KRT79: variants seen among roughly 807,000 people sequenced by gnomAD.
KRT79 encodes keratin, type II cytoskeletal 79.
A neutral mutation model predicts 49.0 loss-of-function variants in KRT79; 51 were observed. The observed-to-expected ratio is 1.04, with a 90% CI of 0.83 to 1.31. KRT79 has a LOEUF of 1.31. Ranked by LOEUF, KRT79 falls within the 40% of genes most tolerant of loss-of-function variation. The pLI, the probability that KRT79 is intolerant of heterozygous loss-of-function variation, is 0.00. For missense variants in KRT79, 728 were observed against 688.0 expected, an observed-to-expected ratio of 1.06 and a Z score of -0.65; for synonymous variants, 312 against 286.6, an observed-to-expected ratio of 1.09 and a Z score of -0.90.
intron 1 of KRT79, 108 bp downstream of exon 1, chr12:52,833,675 AC>A: frequency 1.1e-6 from 1 of 906,316 alleles, no homozygotes. Context: ...AGCTCTATCA[AC>A]CACCACCCTA....
chr12:52,827,888 G>A (rs1016415814), intron 4 of KRT79, among the ~76,000 whole-genome samples: 2 of 152,182 alleles, frequency 1.3e-5, no homozygotes, highest in African/African-American at 2.4e-5. Flanking sequence ...CCTTGTTGGA[G>A]ATCACAGGGA....
Position 52,830,009 on chromosome 12 carries a change from A to T in KRT79, c.855+14T>A, listed in dbSNP as rs775690469. On this transcript the variant is annotated intron_variant, in intron 4 of 8. Transcript: ENST00000330553. ...TAGTGTATGCAAACTCTCCCTGCCC[A>T]TTGGCCACCTCACCATTTCATAGAG... 2 of 1,612,830 alleles carry T rather than the reference A, an allele frequency of 1.2e-6. No homozygotes were observed. Among genetic ancestry groups the T allele is most frequent in the Admixed American group, 3.3e-5 (2 of 60,030 alleles).
chr12:52,824,092 T>C (rs993006818), intron 5 of KRT79, 80 bp from the exon 6 acceptor site: 2 of 1,612,274 alleles, frequency 1.2e-6, no homozygotes, highest in African/African-American at 2.7e-5. Flanking sequence ...GCAAGTTGAG[T>C]ATATCTGGCC....
In KRT79 at chr12:52,823,048, G is replaced by T; in HGVS notation, c.1335C>A (p.Thr445=). Residue 445 remains threonine, a synonymous_variant, in exon 7 of 9, where the codon ACC becomes ACA. Transcript: ENST00000330553. ...VKLALDVEIA[T]YRKLLESEES... ...CCTCGCTCTCCAGAAGCTTGCGGTAGGTGGCAATCTCCACGTCCAGGGCCA... is the reference window on the plus strand; with the variant it reads ...CCTCGCTCTCCAGAAGCTTGCGGTATGTGGCAATCTCCACGTCCAGGGCCA... The T allele has an allele frequency of 6.2e-7, 1 of 1,614,172 alleles. No individual in the cohort carries two copies.
At chr12:52,831,067 CA>C (rs909657064) in intron 2 of KRT79, among the ~76,000 whole-genome samples, 8 of 148,870 alleles carry the variant, frequency 5.4e-5, no homozygotes, top group African/African-American at 1.8e-4. Context: ...TAGAAAAAGG[CA>C]AAGGTAAAAA....
At chr12:52,827,037 G>A (rs1258208620) in intron 4 of KRT79, among the ~76,000 whole-genome samples, 2 of 152,104 alleles carry the variant, frequency 1.3e-5, no homozygotes, top group East Asian at 3.9e-4. Flanking sequence ...CCACACACTC[G>A]ATGTGGGCAC....
At chr12:52,831,978 A>G (rs1455455805) in intron 1 of KRT79, among the ~76,000 whole-genome samples, 1 of 152,216 alleles carries the variant, frequency 6.6e-6, no homozygotes, top group Non-Finnish European at 1.5e-5. Context: ...ATTCTGCATT[A>G]AAATCATCTG....
chr12:52,822,235 G>A (rs1416190321), intron 8 of KRT79, 110 bp downstream of exon 8: 1 of 1,320,842 alleles, frequency 7.6e-7, no homozygotes. Context: ...CTGTCTCCAG[G>A]GGCTCGAATG....
chr12:52,824,491 C>A (rs1729111728), intron 4 of KRT79, 129 bp from the exon 5 acceptor site: 3 of 875,924 alleles, frequency 3.4e-6, no homozygotes, highest in Non-Finnish European at 5.1e-6. Flanking sequence ...CAGCCTAGAG[C>A]AAAGTAAGGA....
At chr12:52,831,867 C>G (rs901972616) in intron 1 of KRT79, among the ~76,000 whole-genome samples, 30 of 152,220 alleles carry the variant, frequency 2.0e-4, no homozygotes, top group Non-Finnish European at 7.3e-5. Flanking sequence ...GTAGCAGTAC[C>G]AATTTACTAG....
intron 4 of KRT79, among the ~76,000 whole-genome samples, chr12:52,825,176 C>G (rs138075778): frequency 7.2e-5 from 11 of 152,288 alleles, no homozygotes; most frequent in Non-Finnish European, 1.3e-4. Flanking sequence ...CATGGTCCTT[C>G]CTGCTCTGGG....
chr12:52,828,008 C>A (rs920222033), intron 4 of KRT79, among the ~76,000 whole-genome samples: 1 of 152,130 alleles, frequency 6.6e-6, no homozygotes, highest in African/African-American at 2.4e-5. Context: ...ACCCCAAACG[C>A]AGCAAATGGC....
At chr12:52,823,739 T>C (rs561565053) in intron 6 of KRT79, 148 bp downstream of exon 6, 6 of 911,846 alleles carry the variant, frequency 6.6e-6, no homozygotes, top group East Asian at 5.3e-5. Flanking sequence ...GTGCCTCAGT[T>C]TCCCCCCATG....
intron 4 of KRT79, among the ~76,000 whole-genome samples, chr12:52,828,943 A>G (rs1285625210): frequency 6.6e-6 from 1 of 152,180 alleles, no homozygotes; most frequent in African/African-American, 2.4e-5. Flanking sequence ...CAAGAAGACA[A>G]TTGGGCAAAG....
intron 4 of KRT79, among the ~76,000 whole-genome samples, chr12:52,827,204 G>A (rs183854743): frequency 1.4e-5 from 2 of 146,682 alleles, no homozygotes; most frequent in East Asian, 2.0e-4. Flanking sequence ...GAAGGCTTCC[G>A]CAGCCCTCCC....
intron 4 of KRT79, among the ~76,000 whole-genome samples, chr12:52,827,684 GA>G (rs1182846013): frequency 1.3e-5 from 2 of 152,192 alleles, no homozygotes; most frequent in Non-Finnish European, 2.9e-5. Flanking sequence ...GCTGCTAGAT[GA>G]ACTCTAGGCA....
Position 52,834,156 on chromosome 12 carries a change from T to C in KRT79, c.105A>G (p.Ser35=), listed in dbSNP as rs766931413. 9.9e-6 allele frequency: 16 copies of C among 1,613,340 alleles called. No individual in the cohort carries two copies. Among genetic ancestry groups the C allele is most frequent in the Non-Finnish European group, 1.3e-5 (15 of 1,179,778 alleles). ...TGCCACTGCTCCGAGACACCGTCAC[T>C]GAGCTGAAGCTGGTGCGGGCCTGGG... ...SGSQARTSFS[S]VTVSRSSGSG... The change falls in exon 1 of 9, where the codon TCA becomes TCG. Residue 35 remains serine, a synonymous_variant. Coordinates refer to ENST00000330553, the MANE Select transcript of KRT79 (RefSeq NM_175834.3).
chr12:52,822,381 T>A lies in KRT79; in HGVS notation c.1368-2A>T, dbSNP rs1399402407. 5.0e-6 allele frequency: 8 copies of A among 1,587,748 alleles called. No individual in the cohort carries two copies. The highest frequency in any genetic ancestry group is 6.9e-6 in the Non-Finnish European group (8 of 1,165,666). ...GCACTGGGACATTCTCCAGACATCC[T>A]AGGGGACACAGAAAGGCCAGGAGAG... is the stretch of plus-strand genomic sequence containing the variant. On this transcript the variant is annotated splice_acceptor_variant, in intron 7 of 8. Coordinates refer to ENST00000330553, the MANE Select transcript of KRT79 (RefSeq NM_175834.3). LOFTEE classifies it high-confidence loss of function.
chr12:52,830,017 C>T lies in KRT79; in HGVS notation c.855+6G>A. ...GCAAACTCTCCCTGCCCATTGGCCA[C>T]CTCACCATTTCATAGAGTTGCTGCA... On this transcript the variant is annotated splice_donor_region_variant and intron_variant, in intron 4 of 8. Coordinates refer to ENST00000330553, the MANE Select transcript of KRT79 (RefSeq NM_175834.3). 6.2e-7 allele frequency: 1 copy of T among 1,613,862 alleles called. No homozygotes were observed. The highest frequency in any genetic ancestry group is 8.5e-7 in the Non-Finnish European group (1 of 1,179,700).
Sources: gnomAD v4.1 joint callset for allele counts (sites outside exome capture counted in the v4.1 genomes callset) on GRCh38, gnomAD v4.1.1 for gene constraint, MANE v1.5 for transcripts, NCBI Gene and HGNC (gene_info 2026-07-23, HGNC 2026-07-21) for gene names.